VPS35L: variants seen among roughly 807,000 people sequenced by gnomAD.
The protein encoded by VPS35L is VPS35 endosomal protein-sorting factor-like.
In VPS35L, 83 loss-of-function variants were observed where a neutral mutation model predicts 133.0. The ratio of observed to expected loss-of-function variants is 0.62; its 90% confidence interval spans 0.52 to 0.75. The LOEUF is 0.75. Among genes scored for constraint, VPS35L ranks in the 30% least tolerant of loss-of-function variants. VPS35L has a pLI of 0.00. For missense variants in VPS35L, 1,083 were observed against 1,206.8 expected (o/e 0.90, Z 1.52); for synonymous variants, 423 against 449.9 (o/e 0.94, Z 0.76).
At chr16:19,683,116 G>A (rs937109460) in intron 28 of VPS35L, among the ~76,000 whole-genome samples, 14 of 151,734 alleles carry the variant, frequency 9.2e-5, no homozygotes, top group Admixed American at 7.9e-4. Context: ...TTTTGAAGAC[G>A]GGGTTTCACC....
intron 21 of VPS35L, among the ~76,000 whole-genome samples, chr16:19,641,303 G>A (rs1973781018): frequency 6.6e-6 from 1 of 152,100 alleles, no homozygotes; most frequent in Non-Finnish European, 1.5e-5. Context: ...CTGGCCTCAA[G>A]TGATCCACCC....
intron 18 of VPS35L, among the ~76,000 whole-genome samples, chr16:19,631,421 C>T (rs1973452619): frequency 6.6e-6 from 1 of 152,136 alleles, no homozygotes; most frequent in Non-Finnish European, 1.5e-5. Flanking sequence ...ATCCTGGCCT[C>T]TAACACCAAA....
intron 5 of VPS35L, among the ~76,000 whole-genome samples, chr16:19,575,492 A>T (rs563032397): frequency 1.3e-5 from 2 of 148,284 alleles, no homozygotes; most frequent in African/African-American, 5.0e-5. Context: ...CTTGAACCTG[A>T]GAGGCGGAGG....
chr16:19,648,191 C>G (rs1322624973), intron 24 of VPS35L, among the ~76,000 whole-genome samples: 1 of 152,064 alleles, frequency 6.6e-6, no homozygotes, highest in Non-Finnish European at 1.5e-5. Flanking sequence ...TCTCAAATTC[C>G]TCACATCCAG....
chr16:19,679,748 G>A (rs923960284), intron 27 of VPS35L, among the ~76,000 whole-genome samples: 4 of 152,150 alleles, frequency 2.6e-5, no homozygotes, highest in Non-Finnish European at 4.4e-5. Context: ...CAAGGGATCC[G>A]CCCATCTCGG....
At chr16:19,580,714 C>CA (rs1971681928) in intron 6 of VPS35L, among the ~76,000 whole-genome samples, 1 of 152,146 alleles carries the variant, frequency 6.6e-6, no homozygotes, top group Non-Finnish European at 1.5e-5. Context: ...AACACCCCCA[C>CA]ACTCTGCAGT....
At chr16:19,649,544 G>C (rs1462827230) in intron 24 of VPS35L, among the ~76,000 whole-genome samples, 1 of 152,178 alleles carries the variant, frequency 6.6e-6, no homozygotes, top group African/African-American at 2.4e-5. Flanking sequence ...CCTTGCACCA[G>C]TGCTTTTTAC....
In VPS35L at chr16:19,700,493, C is replaced by CA; in HGVS notation, c.*18dup. On this transcript the variant is annotated 3_prime_UTR_variant, in exon 31 of 31. Coordinates refer to ENST00000417362, the MANE Select transcript of VPS35L (RefSeq NM_020314.7). ...AGGACCTGACCCCCGGGCCCATCCCCAGGCTCAGGGACTCTGGTGCCAAAT... is the reference window on the plus strand; with the variant it reads ...AGGACCTGACCCCCGGGCCCATCCCCAAGGCTCAGGGACTCTGGTGCCAAAT... 1 of 1,603,320 alleles carries CA rather than the reference C, an allele frequency of 6.2e-7. No homozygotes were observed. Among genetic ancestry groups the CA allele is most frequent in the Non-Finnish European group, 8.5e-7 (1 of 1,170,124 alleles).
chr16:19,697,545 GA>G (rs1975958447), intron 29 of VPS35L, among the ~76,000 whole-genome samples: 1 of 151,808 alleles, frequency 6.6e-6, no homozygotes, highest in Non-Finnish European at 1.5e-5. Context: ...TCTCACTTGG[GA>G]AAGGACAGTA....
At chr16:19,602,585 C>T (rs1297815810) in intron 9 of VPS35L, among the ~76,000 whole-genome samples, 2 of 151,820 alleles carry the variant, frequency 1.3e-5, no homozygotes, top group Non-Finnish European at 2.9e-5. Context: ...CCTATCTGTC[C>T]ATCAATCGAT....
At chr16:19,616,271 A>C (rs1972890479) in intron 13 of VPS35L, 80 bp downstream of exon 13, 2 of 1,214,382 alleles carry the variant, frequency 1.6e-6, no homozygotes, top group Non-Finnish European at 2.4e-6. Context: ...TGGTTTTCCA[A>C]GTGGAGAATG....
At chr16:19,663,715 G>A (rs1974569957) in intron 26 of VPS35L, among the ~76,000 whole-genome samples, 1 of 65,048 alleles carries the variant, frequency 1.5e-5, no homozygotes, top group African/African-American at 7.1e-5. Flanking sequence ...GGAACTTTAA[G>A]CTGTTTTCAC....
At chr16:19,559,807 C>G (rs951382845) in intron 1 of VPS35L, among the ~76,000 whole-genome samples, 1 of 152,104 alleles carries the variant, frequency 6.6e-6, no homozygotes, top group Non-Finnish European at 1.5e-5. Flanking sequence ...GTGCTTCAGC[C>G]TCCCGAGTAT....
intron 7 of VPS35L, among the ~76,000 whole-genome samples, chr16:19,589,150 A>G (rs757606053): frequency 6.6e-5 from 10 of 151,932 alleles, no homozygotes; most frequent in Non-Finnish European, 7.4e-5. Flanking sequence ...GAGTTTTGCA[A>G]TTTTTAAGAT....
intron 2 of VPS35L, among the ~76,000 whole-genome samples, chr16:19,567,740 G>A (rs1971232013): frequency 6.6e-6 from 1 of 152,094 alleles, no homozygotes; most frequent in Non-Finnish European, 1.5e-5. Context: ...GATGCTAGAT[G>A]AGAAGATCCC....
rs138115317 is a variant in VPS35L, at chr16:19,612,506, G to A, written c.1023+2091G>A. On this transcript the variant is annotated intron_variant, in intron 12 of 30. Transcript: ENST00000417362. ...TCACTTCAGGTAATCTGCCTTCCCC[G>A]GCCTCACAAATTGCTGGGATTACAG... Among the ~76,000 whole-genome samples, 112 of 152,192 alleles carry A rather than the reference G, an allele frequency of 7.4e-4. No homozygotes were observed. In the East Asian group the frequency reaches 0.013, roughly 17 times the overall value.
At chr16:19,664,755 C>T (rs1270638748) in intron 26 of VPS35L, among the ~76,000 whole-genome samples, 1 of 151,878 alleles carries the variant, frequency 6.6e-6, no homozygotes. Context: ...CAAAAATTAG[C>T]CTGGCACGGT....
chr16:19,640,602 A>G (rs1973757986), intron 21 of VPS35L, among the ~76,000 whole-genome samples: 1 of 152,246 alleles, frequency 6.6e-6, no homozygotes, highest in African/African-American at 2.4e-5. Flanking sequence ...ATGTGTGATC[A>G]GTTTTCAAAT....
rs1025749222 is a variant in VPS35L, at chr16:19,700,691, C to T, written c.*215C>T. 5 of 545,766 alleles carry T rather than the reference C, an allele frequency of 9.2e-6. No individual in the cohort carries two copies. The highest frequency in any genetic ancestry group is 7.5e-5 in the African/African-American group (4 of 53,296). The allele number at this position is 545,766 out of a possible 1,614,324, so 33.8% of individuals were successfully genotyped here. ...TTAAAATGCAATCTTCACTAAGAAG[C>T]AGTCTCTGTGTTGTCTTTGCACAAG... On this transcript the variant is annotated 3_prime_UTR_variant, in exon 31 of 31. Coordinates refer to ENST00000417362, the MANE Select transcript of VPS35L (RefSeq NM_020314.7).
Sources: allele counts gnomAD v4.1 joint callset (sites outside exome capture counted in the v4.1 genomes callset), GRCh38; gene constraint gnomAD v4.1.1; transcripts MANE v1.5; gene names NCBI Gene and HGNC (gene_info 2026-07-23, HGNC 2026-07-21).